The following CSPP1 variants were observed in gnomAD, a reference collection of about 807,000 sequenced individuals.
CSPP1 encodes centrosome and spindle pole associated protein 1.
Under a neutral mutation model 164.4 loss-of-function variants are expected in CSPP1, and 126 were observed. The observed-to-expected ratio is 0.77, with a 90% CI of 0.66 to 0.89. The LOEUF (loss-of-function observed/expected upper bound fraction) is 0.89. Among genes scored for constraint, CSPP1 ranks in the 40% least tolerant of loss-of-function variants. The pLI is 0.00. For synonymous variants in CSPP1, 472 were observed against 476.7 expected, an observed-to-expected ratio of 0.99 and a Z score of 0.13; for missense variants, 1,395 against 1,449.8, an observed-to-expected ratio of 0.96 and a Z score of 0.61.
Position 67,168,438 on chromosome 8 carries a change from C to T in CSPP1, c.2828+3930C>T, listed in dbSNP as rs148346863. Among the ~76,000 whole-genome samples the T allele has an allele frequency of 2.4e-3, 372 of 152,236 alleles. 1 individual carries two copies. The highest frequency in any genetic ancestry group is 8.4e-3 in the African/African-American group (351 of 41,540). On this transcript the variant is annotated intron_variant, in intron 24 of 30. Coordinates refer to ENST00000678616, the MANE Select transcript of CSPP1 (RefSeq NM_001382391.1). ...CCAATATGATTTAAGAAAGAGTACT[C>T]GAGCAGCGCCTCAATTTTCTCGCTT...
intron 15 of CSPP1, among the ~76,000 whole-genome samples, chr8:67,120,659 AT>A (rs1248864816): frequency 6.6e-6 from 1 of 151,782 alleles, no homozygotes; most frequent in Admixed American, 6.6e-5. Flanking sequence ...TTCTTTTCAA[AT>A]TGTTCATTGT....
chr8:67,117,693 C>T (rs1046104295), intron 13 of CSPP1, among the ~76,000 whole-genome samples: 2 of 152,186 alleles, frequency 1.3e-5, no homozygotes, highest in African/African-American at 2.4e-5. Context: ...TCTTTGCCTT[C>T]TCTTTCTGGA....
At position 67,095,609 on chromosome 8, in the gene CSPP1, G is replaced by A. The variant is rs781737308; in HGVS notation, c.800G>A (p.Arg267His). ...AGATTTCACAGATTTAATGAGGATC[G>A]TGTTTTTGATAGACGGTATCATAGA... ...DRRFHRFNEDRVFDRRYHRPD... is the reference protein window; with the variant it reads ...DRRFHRFNEDHVFDRRYHRPD... The change falls in exon 7 of 31, where the codon CGT becomes CAT. Residue 267 changes from arginine to histidine, a missense_variant. Physicochemically the swap from Arg to His is conservative, Grantham distance 29. Transcript: ENST00000678616. The A allele has an allele frequency of 1.2e-5, 20 of 1,613,744 alleles. No homozygotes were observed. Among genetic ancestry groups the A allele is most frequent in the African/African-American group, 8.0e-5 (6 of 74,910 alleles).
At chr8:67,087,136 T>TGCAGTTAAGCATG (rs6150632) in intron 4 of CSPP1, among the ~76,000 whole-genome samples, 3 of 152,094 alleles carry the variant, frequency 2.0e-5, no homozygotes, top group African/African-American at 7.2e-5. Flanking sequence ...TGCAGTTAAG[T>TGCAGTTAAGCATG]CTGTTTTCAG....
intron 15 of CSPP1, among the ~76,000 whole-genome samples, chr8:67,128,231 G>A (rs377552264): frequency 3.9e-5 from 6 of 152,134 alleles, no homozygotes; most frequent in African/African-American, 1.4e-4. Flanking sequence ...TTCAGCTTTG[G>A]TGATGGAATA....
intron 4 of CSPP1, among the ~76,000 whole-genome samples, chr8:67,090,870 C>T (rs1320818428): frequency 2.0e-5 from 3 of 152,150 alleles, no homozygotes; most frequent in African/African-American, 7.2e-5. Context: ...TGATTTTATC[C>T]TTATAACCTA....
At chr8:67,088,338 A>C (rs1222858013) in intron 4 of CSPP1, among the ~76,000 whole-genome samples, 1 of 151,472 alleles carries the variant, frequency 6.6e-6, no homozygotes, top group Non-Finnish European at 1.5e-5. Flanking sequence ...CCCAGGCTGG[A>C]GTGCAGTGGT....
chr8:67,142,221 A>G (rs1563665386), intron 17 of CSPP1, among the ~76,000 whole-genome samples: 1 of 152,190 alleles, frequency 6.6e-6, no homozygotes, highest in Admixed American at 6.5e-5. Context: ...GAAACTTTAC[A>G]TGAAACTGTC....
chr8:67,189,531 C>CTA (rs1835611052), intron 28 of CSPP1, among the ~76,000 whole-genome samples: 1 of 152,120 alleles, frequency 6.6e-6, no homozygotes, highest in South Asian at 2.1e-4. Context: ...AAAGTTATTC[C>CTA]TATTTTTAAA....
At chr8:67,077,713 A>G (rs1218264296) in intron 3 of CSPP1, among the ~76,000 whole-genome samples, 1 of 152,246 alleles carries the variant, frequency 6.6e-6, no homozygotes, top group Admixed American at 6.5e-5. Context: ...AAAATCAACT[A>G]TGATAAGTTC....
chr8:67,116,530 T>G (rs1169169342), intron 13 of CSPP1, among the ~76,000 whole-genome samples: 1 of 152,200 alleles, frequency 6.6e-6, no homozygotes, highest in Non-Finnish European at 1.5e-5. Flanking sequence ...ACATATAATT[T>G]TATTTTAGCT....
chr8:67,087,384 C>T (rs1427665953), intron 4 of CSPP1, among the ~76,000 whole-genome samples: 1 of 152,166 alleles, frequency 6.6e-6, no homozygotes, highest in African/African-American at 2.4e-5. Flanking sequence ...ATATTTTAAA[C>T]ACTTATTATG....
intron 28 of CSPP1, among the ~76,000 whole-genome samples, chr8:67,183,781 A>C (rs1309115163): frequency 6.6e-6 from 1 of 152,100 alleles, no homozygotes; most frequent in Non-Finnish European, 1.5e-5. Context: ...TTTAGATAAA[A>C]AACCAAAGCC....
At chr8:67,152,428 T>G (rs1370459058) in intron 18 of CSPP1, among the ~76,000 whole-genome samples, 2 of 152,210 alleles carry the variant, frequency 1.3e-5, no homozygotes, top group African/African-American at 4.8e-5. Context: ...AGCTATGGCT[T>G]ATGAAGTCTA....
chr8:67,113,950 G>A, intron 11 of CSPP1, 88 bp downstream of exon 11: 2 of 731,096 alleles, frequency 2.7e-6, no homozygotes, highest in East Asian at 2.6e-5. Flanking sequence ...AATATTGGGA[G>A]AAAAAGAGAG....
intron 21 of CSPP1, among the ~76,000 whole-genome samples, chr8:67,159,926 T>TTCCTTCC (rs1257832985): frequency 9.6e-5 from 4 of 41,570 alleles, no homozygotes; most frequent in African/African-American, 4.5e-4. Flanking sequence ...CTTTCTTTCC[T>TTCCTTCC]TTCCTTCCTT....
At chr8:67,064,804 A>G (rs1805187291) in intron 1 of CSPP1, 2 of 292,806 alleles carry the variant, frequency 6.8e-6, no homozygotes, top group Non-Finnish European at 1.3e-5. Context: ...TGAGGCCGGC[A>G]TCGGTGACTA....
intron 28 of CSPP1, among the ~76,000 whole-genome samples, chr8:67,186,387 T>C (rs866330224): frequency 6.9e-6 from 1 of 145,606 alleles, no homozygotes; most frequent in African/African-American, 2.5e-5. Context: ...GACAAAAATA[T>C]ACATGTGAAA....
At chr8:67,194,187 T>C (rs753069991) in intron 30 of CSPP1, among the ~76,000 whole-genome samples, 2 of 152,216 alleles carry the variant, frequency 1.3e-5, no homozygotes, top group Non-Finnish European at 2.9e-5. Context: ...CCCTTTTCTA[T>C]ACCAGTGCTA....
Sources: gnomAD v4.1 joint callset for allele counts (sites outside exome capture counted in the v4.1 genomes callset) on GRCh38, gnomAD v4.1.1 for gene constraint, MANE v1.5 for transcripts, NCBI Gene and HGNC (gene_info 2026-07-23, HGNC 2026-07-21) for gene names.